IPCEF1: variants seen among roughly 807,000 people sequenced by gnomAD.
IPCEF1 encodes interactor protein for cytohesin exchange factors 1.
A neutral mutation model predicts 50.9 loss-of-function variants in IPCEF1; 31 were observed. The ratio of observed to expected loss-of-function variants is 0.61; its 90% confidence interval spans 0.46 to 0.82. The LOEUF is 0.82. IPCEF1 is among the 40% of genes least tolerant of loss of function. The pLI, the probability that IPCEF1 is intolerant of heterozygous loss-of-function variation, is 0.00. For synonymous variants in IPCEF1, 181 were observed against 192.0 expected (o/e 0.94, Z 0.47); for missense variants, 458 against 514.0 (o/e 0.89, Z 1.05).
rs185893959 is a variant in IPCEF1, at chr6:154,294,388, A to G, written c.-61-4632T>C. Among the ~76,000 whole-genome samples the G allele has an allele frequency of 1.3e-4, 20 of 152,346 alleles. No homozygotes were observed. The East Asian group carries it at 3.3e-3, about 25-fold the overall frequency. On this transcript the variant is annotated intron_variant, in intron 1 of 11. Coordinates refer to ENST00000367220, the MANE Select transcript of IPCEF1 (RefSeq NM_001130700.2). The stretch of plus-strand genomic sequence containing the variant: ...GTAAAAGTAAGGAAATCTCACAGAA[A>G]CACCAATGATAAAAGTACTGGAGGC...
intron 1 of IPCEF1, among the ~76,000 whole-genome samples, chr6:154,324,144 G>T (rs890752799): frequency 1.5e-4 from 23 of 152,200 alleles, no homozygotes; most frequent in African/African-American, 5.5e-4. Flanking sequence ...GTCAGAATGT[G>T]AAACAGACAA....
chr6:154,352,471 A>T (rs762803976), intron 1 of IPCEF1, among the ~76,000 whole-genome samples: 1 of 152,154 alleles, frequency 6.6e-6, no homozygotes, highest in Non-Finnish European at 1.5e-5. Context: ...ACTCATCCAC[A>T]TTCTAGTAAC....
At position 154,349,999 on chromosome 6, in the gene IPCEF1, T is replaced by G. The variant is rs561969946; in HGVS notation, c.-62+6673A>C. 4.5e-4 allele frequency among the ~76,000 whole-genome samples: 68 copies of G among 152,210 alleles called. 1 individual carries two copies. The highest frequency in any genetic ancestry group is 1.0e-4 in the Non-Finnish European group (7 of 68,024). On this transcript the variant is annotated intron_variant, in intron 1 of 11. Transcript: ENST00000367220. ...TTCAAATTCTGCTGAAAAGGGGATT[T>G]AAGAGATTCTTATGTCACAGGGAAA...
Position 154,201,723 on chromosome 6 carries a change from C to T in IPCEF1, c.538-1683G>A, listed in dbSNP as rs573111281. ...CAGCCTGGCCAACATGGCGAAACCCCGTCTCTACTAAAAATACAAAAATTA... is the reference window on the plus strand; with the variant it reads ...CAGCCTGGCCAACATGGCGAAACCCTGTCTCTACTAAAAATACAAAAATTA... On this transcript the variant is annotated intron_variant, in intron 9 of 11. Coordinates refer to ENST00000367220, the MANE Select transcript of IPCEF1 (RefSeq NM_001130700.2). Among the ~76,000 whole-genome samples the T allele has an allele frequency of 2.6e-4, 40 of 152,112 alleles. 1 individual carries two copies. In the South Asian group the frequency reaches 3.9e-3, roughly 15 times the overall value.
At chr6:154,260,476 C>CTTTTTTT (rs34318796) in intron 3 of IPCEF1, among the ~76,000 whole-genome samples, 1 of 144,334 alleles carries the variant, frequency 6.9e-6, no homozygotes, top group Non-Finnish European at 1.5e-5. Context: ...GACCAGAGAA[C>CTTTTTTT]TTTTTTTTTT....
intron 5 of IPCEF1, among the ~76,000 whole-genome samples, chr6:154,225,994 C>T (rs1464946780): frequency 6.6e-6 from 1 of 152,192 alleles, no homozygotes; most frequent in African/African-American, 2.4e-5. Flanking sequence ...CTGGAGCCAC[C>T]CTGATGTTGT....
intron 2 of IPCEF1, 120 bp from the exon 3 acceptor site, chr6:154,266,084 T>TA: frequency 1.6e-6 from 1 of 638,812 alleles, no homozygotes; most frequent in Non-Finnish European, 2.7e-6. Context: ...ACAATAAAAG[T>TA]AATTCATTAA....
chr6:154,237,828 A>G (rs1780255319), intron 5 of IPCEF1, among the ~76,000 whole-genome samples: 1 of 151,974 alleles, frequency 6.6e-6, no homozygotes, highest in African/African-American at 2.4e-5. Flanking sequence ...GCATATCTAT[A>G]TATATGTTAA....
chr6:154,315,950 C>T (rs777400515), intron 1 of IPCEF1, among the ~76,000 whole-genome samples: 1 of 152,114 alleles, frequency 6.6e-6, no homozygotes, highest in Non-Finnish European at 1.5e-5. Context: ...ATCTCCGCCT[C>T]CCAGGTTCAA....
At chr6:154,348,479 G>T (rs764529960) in intron 1 of IPCEF1, among the ~76,000 whole-genome samples, 20 of 152,286 alleles carry the variant, frequency 1.3e-4, no homozygotes, top group Middle Eastern at 3.4e-3. Context: ...AGGTGATCTT[G>T]TCCATTTAAT....
At chr6:154,323,160 C>A (rs1269741572) in intron 1 of IPCEF1, among the ~76,000 whole-genome samples, 1 of 152,100 alleles carries the variant, frequency 6.6e-6, no homozygotes, top group Non-Finnish European at 1.5e-5. Context: ...CATCTGAGTC[C>A]CTTTGCCTGA....
At chr6:154,313,233 G>A (rs191221524) in intron 1 of IPCEF1, among the ~76,000 whole-genome samples, 7 of 151,832 alleles carry the variant, frequency 4.6e-5, no homozygotes, top group South Asian at 2.1e-4. Context: ...TTAGCCAAGC[G>A]TAGTAGTGGT....
At chr6:154,164,044 C>T (rs926440717) in intron 11 of IPCEF1, among the ~76,000 whole-genome samples, 1 of 152,284 alleles carries the variant, frequency 6.6e-6, no homozygotes, top group Admixed American at 6.5e-5. Flanking sequence ...ACAACAACAA[C>T]AAAAGCTTTC....
At chr6:154,252,696 G>GA (rs1781367304) in intron 3 of IPCEF1, among the ~76,000 whole-genome samples, 1 of 152,016 alleles carries the variant, frequency 6.6e-6, no homozygotes, top group Admixed American at 6.6e-5. Context: ...AAAAAGAAAA[G>GA]AAAAAACGAA....
intron 1 of IPCEF1, among the ~76,000 whole-genome samples, chr6:154,312,314 A>G (rs1376222136): frequency 1.3e-5 from 2 of 152,132 alleles, no homozygotes; most frequent in Non-Finnish European, 2.9e-5. Flanking sequence ...GGGCTGGTGT[A>G]GAGGGAAGGA....
At chr6:154,335,797 A>G (rs1488815667) in intron 1 of IPCEF1, among the ~76,000 whole-genome samples, 6 of 152,226 alleles carry the variant, frequency 3.9e-5, no homozygotes, top group African/African-American at 1.2e-4. Context: ...AAACAACTTA[A>G]CAGTAACAAA....
chr6:154,327,631 A>G (rs1340092319), intron 1 of IPCEF1, among the ~76,000 whole-genome samples: 1 of 152,220 alleles, frequency 6.6e-6, no homozygotes, highest in Non-Finnish European at 1.5e-5. Flanking sequence ...GGGAATGTAA[A>G]TTAGTTCAAC....
intron 1 of IPCEF1, among the ~76,000 whole-genome samples, chr6:154,322,857 G>A (rs904424320): frequency 2.6e-5 from 4 of 151,716 alleles, no homozygotes; most frequent in South Asian, 2.1e-4. Context: ...AAATTATCTC[G>A]AAAGAAATGA....
At chr6:154,351,681 C>T (rs1161299592) in intron 1 of IPCEF1, among the ~76,000 whole-genome samples, 1 of 152,156 alleles carries the variant, frequency 6.6e-6, no homozygotes, top group Non-Finnish European at 1.5e-5. Flanking sequence ...GGGTTTGAAT[C>T]CCTCTCCCCT....
Sources: gnomAD v4.1 joint callset for allele counts (sites outside exome capture counted in the v4.1 genomes callset) on GRCh38, gnomAD v4.1.1 for gene constraint, MANE v1.5 for transcripts, NCBI Gene and HGNC (gene_info 2026-07-23, HGNC 2026-07-21) for gene names.